Variants in PAQR8 observed in about 807,000 individuals in gnomAD.
PAQR8 encodes membrane progestin receptor beta.
Under a neutral mutation model 25.2 loss-of-function variants are expected in PAQR8, and 17 were observed. That is an observed-to-expected ratio of 0.67 (90% CI 0.46 to 1.01). The LOEUF is 1.01. Among genes scored for constraint, PAQR8 ranks in the 50% least tolerant of loss-of-function variants. The probability of loss-of-function intolerance (pLI) is 0.00; values close to 1 mark genes in which losing one functional copy is unlikely to be tolerated. For missense variants in PAQR8, 392 were observed against 448.4 expected (o/e 0.87, Z 1.14); for synonymous variants, 204 against 190.6 (o/e 1.07, Z -0.58).
At chr6:52,374,610 C>G (rs1763461224) in intron 1 of PAQR8, among the ~76,000 whole-genome samples, 1 of 152,072 alleles carries the variant, frequency 6.6e-6, no homozygotes, top group African/African-American at 2.4e-5. Flanking sequence ...ATGTTGGTGC[C>G]CAGGTTGGTC....
At chr6:52,395,272 C>CAAA (rs34239055) in intron 1 of PAQR8, among the ~76,000 whole-genome samples, 2,055 of 93,262 alleles carry the variant, frequency 0.022, 72 homozygotes, top group Non-Finnish European at 0.032. Context: ...GACTTCGTCT[C>CAAA]AAAAAAAAAA....
In PAQR8 at chr6:52,404,457, G is replaced by A; in HGVS notation, c.*179G>A. On this transcript the variant is annotated 3_prime_UTR_variant, in exon 2 of 2. Coordinates refer to ENST00000442253, the MANE Select transcript of PAQR8 (RefSeq NM_133367.5). ...AGAGTTTTGTTGTTGTTAATAAAAG[G>A]AATACTCCTTTTCCTTTTGGATCAT... 1.6e-6 allele frequency: 1 copy of A among 634,688 alleles called. No homozygotes were observed. The highest frequency in any genetic ancestry group is 2.8e-5 in the East Asian group (1 of 35,294). 39.3% of individuals were successfully genotyped at this position (634,688 alleles called of 1,614,324 possible).
At chr6:52,400,914 A>G (rs887979288) in intron 1 of PAQR8, among the ~76,000 whole-genome samples, 3 of 152,224 alleles carry the variant, frequency 2.0e-5, no homozygotes, top group Non-Finnish European at 2.9e-5. Context: ...TCATAGCAAT[A>G]AAAATGACAG....
At chr6:52,365,846 T>G (rs1763345408) in intron 1 of PAQR8, among the ~76,000 whole-genome samples, 1 of 152,202 alleles carries the variant, frequency 6.6e-6, no homozygotes, top group African/African-American at 2.4e-5. Flanking sequence ...AGATTTTTTT[T>G]TTAAATGAGC....
At chr6:52,402,118 C>A (rs1763839465) in intron 1 of PAQR8, among the ~76,000 whole-genome samples, 1 of 152,130 alleles carries the variant, frequency 6.6e-6, no homozygotes, top group Non-Finnish European at 1.5e-5. Context: ...AATTCCAGCA[C>A]TTTTGGAGGA....
chr6:52,399,319 A>C (rs1030781459), intron 1 of PAQR8, among the ~76,000 whole-genome samples: 2 of 152,200 alleles, frequency 1.3e-5, no homozygotes, highest in African/African-American at 4.8e-5. Flanking sequence ...TCTTCTGCAG[A>C]CCAATAATAA....
At chr6:52,390,875 A>G (rs1763699002) in intron 1 of PAQR8, among the ~76,000 whole-genome samples, 1 of 152,200 alleles carries the variant, frequency 6.6e-6, no homozygotes, top group African/African-American at 2.4e-5. Context: ...GGAGGGTCTT[A>G]ATATTTTACC....
At chr6:52,366,979 C>T (rs931538878) in intron 1 of PAQR8, among the ~76,000 whole-genome samples, 1 of 152,066 alleles carries the variant, frequency 6.6e-6, no homozygotes, top group Non-Finnish European at 1.5e-5. Flanking sequence ...CTCCTGACCT[C>T]GTGATCTGCC....
chr6:52,403,101 T>G (rs1275314509), intron 1 of PAQR8, 61 bp from the exon 2 acceptor site: 11 of 861,790 alleles, frequency 1.3e-5, no homozygotes, highest in African/African-American at 1.7e-5. Flanking sequence ...TAGTTCCTTG[T>G]CCGTCTTAGC....
At chr6:52,373,803 G>C (rs996340926) in intron 1 of PAQR8, among the ~76,000 whole-genome samples, 3 of 151,674 alleles carry the variant, frequency 2.0e-5, no homozygotes, top group African/African-American at 4.8e-5. Context: ...AGAGCAGACA[G>C]CAAGTAAATA....
At chr6:52,379,096 C>CAAAAAA (rs70977347) in intron 1 of PAQR8, among the ~76,000 whole-genome samples, 1 of 92,998 alleles carries the variant, frequency 1.1e-5, no homozygotes, top group Non-Finnish European at 2.2e-5. Flanking sequence ...TACTCTTTAT[C>CAAAAAA]AAAAAAAAAA....
At chr6:52,396,148 A>G (rs536953697) in intron 1 of PAQR8, among the ~76,000 whole-genome samples, 1 of 152,364 alleles carries the variant, frequency 6.6e-6, no homozygotes, top group East Asian at 1.9e-4. Flanking sequence ...AAGTAAGTGG[A>G]GTAAACAAAC....
At position 52,362,817 on chromosome 6, in the gene PAQR8, C is replaced by G. The variant is rs1180592395; in HGVS notation, c.-53+568C>G. On this transcript the variant is annotated intron_variant, in intron 1 of 1. Transcript: ENST00000442253. The surrounding 1 kb of genome is among the most constrained non-coding windows in gnomAD (Gnocchi z 4.1). ...GAAGGGCAGCCCGAGGTAGGGGAAC[C>G]CCGGAAAGAGTAGGGTGGGTCTAGG... 1.3e-5 allele frequency among the ~76,000 whole-genome samples: 2 copies of G among 152,128 alleles called. No individual in the cohort carries two copies. Among genetic ancestry groups the G allele is most frequent in the Non-Finnish European group, 2.9e-5 (2 of 68,018 alleles).
intron 1 of PAQR8, among the ~76,000 whole-genome samples, chr6:52,376,471 A>G (rs1343243304): frequency 6.6e-6 from 1 of 152,204 alleles, no homozygotes; most frequent in Non-Finnish European, 1.5e-5. Context: ...TCATTTTGGA[A>G]TGCTCTGATT....
chr6:52,406,557 AT>A lies in PAQR8; in HGVS notation c.*2289del, dbSNP rs953592276. 9.6e-4 allele frequency: 385 copies of A among 400,286 alleles called. No homozygotes were observed. The highest frequency in any genetic ancestry group is 6.6e-3 in the African/African-American group (316 of 47,980). 24.8% of individuals were successfully genotyped at this position (400,286 alleles called of 1,614,324 possible). On this transcript the variant is annotated 3_prime_UTR_variant, in exon 2 of 2. Coordinates refer to ENST00000442253, the MANE Select transcript of PAQR8 (RefSeq NM_133367.5). ...GTATTGGCCCCTCAAGTGGTTGGAA[AT>A]TTTTTTTTTAATCTCTTTTTCTGAG...
At chr6:52,378,135 G>C (rs1201113585) in intron 1 of PAQR8, among the ~76,000 whole-genome samples, 1 of 152,206 alleles carries the variant, frequency 6.6e-6, no homozygotes, top group Admixed American at 6.5e-5. Flanking sequence ...GTTGAGAGGA[G>C]TAAATGTTTT....
intron 1 of PAQR8, among the ~76,000 whole-genome samples, chr6:52,364,850 C>T (rs1026143981): frequency 1.1e-4 from 17 of 152,090 alleles, no homozygotes; most frequent in Non-Finnish European, 1.0e-4. Context: ...TGAATAACAC[C>T]GGGGTTAGGG....
chr6:52,403,369 C>T lies in PAQR8; in HGVS notation c.156C>T (p.Arg52=), dbSNP rs778170456. The change falls in exon 2 of 2, where the codon CGC becomes CGT. Residue 52 remains arginine (R), a synonymous_variant. Coordinates refer to ENST00000442253, the MANE Select transcript of PAQR8 (RefSeq NM_133367.5). The stretch of plus-strand genomic sequence containing the variant: ...AGCTCTTCCGGGAGCCTTACATCCG[C>T]ACCGGCTACCGCCCCACGGGGCACG... ...VPQLFREPYI[R]TGYRPTGHEW... 4 of 1,614,152 alleles carry T rather than the reference C, an allele frequency of 2.5e-6. No homozygotes were observed. In the African/African-American group the frequency reaches 4.0e-5, roughly 16 times the overall value.
chr6:52,391,195 A>C (rs991848874), intron 1 of PAQR8, among the ~76,000 whole-genome samples: 1 of 152,208 alleles, frequency 6.6e-6, no homozygotes, highest in Non-Finnish European at 1.5e-5. Context: ...TTATTCATTC[A>C]AGAAATCTTT....
Sources: allele counts gnomAD v4.1 joint callset (sites outside exome capture counted in the v4.1 genomes callset), GRCh38; gene constraint gnomAD v4.1.1; non-coding constraint Gnocchi (gnomAD v3.1); transcripts MANE v1.5; gene names NCBI Gene and HGNC (gene_info 2026-07-23, HGNC 2026-07-21).